Variants in TBCCD1 observed in about 807,000 individuals in gnomAD.
TBCCD1 encodes the protein TBCC domain-containing protein 1.
A neutral mutation model predicts 53.4 loss-of-function variants in TBCCD1; 26 were observed. That is an observed-to-expected ratio of 0.49 (90% CI 0.36 to 0.68). The LOEUF is 0.68. Among genes scored for constraint, TBCCD1 ranks in the 30% least tolerant of loss-of-function variants. The pLI is 0.00. For synonymous variants in TBCCD1, 245 were observed against 241.7 expected (o/e 1.01, Z -0.13); for missense variants, 558 against 669.5 (o/e 0.83, Z 1.84).
intron 2 of TBCCD1, among the ~76,000 whole-genome samples, chr3:186,563,239 C>T (rs574741896): frequency 1.3e-5 from 2 of 152,218 alleles, no homozygotes; most frequent in South Asian, 2.1e-4. Context: ...CACTGAAATA[C>T]TGGGTTGTCT....
intron 2 of TBCCD1, among the ~76,000 whole-genome samples, chr3:186,558,918 T>C (rs1419743976): frequency 6.6e-6 from 1 of 152,200 alleles, no homozygotes; most frequent in Non-Finnish European, 1.5e-5. Flanking sequence ...AATTTTTTTG[T>C]ATTTTTAGTA....
intron 4 of TBCCD1, among the ~76,000 whole-genome samples, chr3:186,555,826 A>G (rs1714524259): frequency 6.6e-6 from 1 of 152,162 alleles, no homozygotes; most frequent in Non-Finnish European, 1.5e-5. Context: ...TGCTGGGATT[A>G]CAGGTGTGAG....
intron 2 of TBCCD1, among the ~76,000 whole-genome samples, chr3:186,559,278 T>C (rs1434159606): frequency 7.9e-5 from 12 of 152,242 alleles, no homozygotes; most frequent in Admixed American, 1.3e-4. Flanking sequence ...GAGGTCTAAC[T>C]TAAGACTCAC....
intron 3 of TBCCD1, 133 bp from the exon 4 acceptor site, chr3:186,556,908 TA>T: frequency 1.7e-6 from 2 of 1,156,216 alleles, no homozygotes; most frequent in Non-Finnish European, 2.4e-6. Flanking sequence ...ATAAACCTTA[TA>T]AAGGTGATCC....
intron 6 of TBCCD1, among the ~76,000 whole-genome samples, chr3:186,552,631 C>T (rs1414677864): frequency 1.3e-5 from 2 of 152,198 alleles, no homozygotes; most frequent in Non-Finnish European, 2.9e-5. Context: ...TCAAATCACA[C>T]ATTACTCTCA....
intron 6 of TBCCD1, 67 bp downstream of exon 6, chr3:186,554,187 C>T (rs957470532): frequency 3.2e-6 from 5 of 1,585,186 alleles, no homozygotes; most frequent in Non-Finnish European, 4.3e-6. Context: ...TAAAAATGTG[C>T]AGACTAATTT....
At chr3:186,553,352 G>T (rs1412336802) in intron 6 of TBCCD1, 1 of 152,150 alleles carries the variant, frequency 6.6e-6, no homozygotes, top group African/African-American at 2.4e-5. Flanking sequence ...TGCTTTAAAA[G>T]AATGTTTTTT....
chr3:186,560,698 T>C (rs1376574754), intron 2 of TBCCD1, among the ~76,000 whole-genome samples: 1 of 152,228 alleles, frequency 6.6e-6, no homozygotes, highest in Non-Finnish European at 1.5e-5. Context: ...CCTTATCTCC[T>C]GAAAGGTGGT....
Position 186,558,473 on chromosome 3 carries a change from G to A in TBCCD1, c.436C>T (p.Pro146Ser). 1 of 1,614,118 alleles carries A rather than the reference G, an allele frequency of 6.2e-7. No individual in the cohort carries two copies. The highest frequency in any genetic ancestry group is 2.2e-5 in the East Asian group (1 of 44,876). Residue 146 changes from proline to serine, a missense_variant, in exon 3 of 8, where the codon CCC becomes TCC. Coordinates refer to ENST00000338733, the MANE Select transcript of TBCCD1 (RefSeq NM_018138.5). ...TSLIGEEWPS[P>S]RNKSQSPDLT... is the part of the protein sequence containing the mutation. The stretch of plus-strand genomic sequence containing the variant: ...TCAGGAGACTGAGATTTGTTTCTGG[G>A]ACTGGGCCACTCTTCGCCAATCAAA...
upstream of TBCCD1, among the ~76,000 whole-genome samples, chr3:186,569,532 T>A (rs1004083888): frequency 1.3e-5 from 2 of 151,894 alleles, no homozygotes; most frequent in Non-Finnish European, 2.9e-5. Context: ...TTGGCCAGCC[T>A]GGTCTCAAGC....
At chr3:186,567,843 A>T (rs1233134675), upstream of TBCCD1, among the ~76,000 whole-genome samples, 1 of 152,196 alleles carries the variant, frequency 6.6e-6, no homozygotes, top group Non-Finnish European at 1.5e-5. Flanking sequence ...CGTCTGAAGC[A>T]AGACTGGCAC....
In TBCCD1 at chr3:186,558,542, A is replaced by G; in HGVS notation, c.367T>C (p.Phe123Leu). 6.2e-7 allele frequency: 1 copy of G among 1,614,194 alleles called. No homozygotes were observed. Among genetic ancestry groups the G allele is most frequent in the South Asian group, 1.1e-5 (1 of 91,078 alleles). ...LSVDTLQFLL[F>L]LYIQQLNKVS... is the part of the protein sequence containing the mutation. Reference sequence around the variant, plus strand: ...TTGTTCAACTGTTGAATGTATAAGAAGAGCAGAAACTGTAGCGTGTCCACT... The same window carrying G: ...TTGTTCAACTGTTGAATGTATAAGAGGAGCAGAAACTGTAGCGTGTCCACT... Residue 123 changes from phenylalanine to leucine, a missense_variant, in exon 3 of 8, where the codon TTC (phenylalanine) becomes CTC (leucine). Coordinates refer to ENST00000338733, the MANE Select transcript of TBCCD1 (RefSeq NM_018138.5).
chr3:186,569,308 T>TTTATTTA (rs1553849535), upstream of TBCCD1, among the ~76,000 whole-genome samples: 343 of 150,556 alleles, frequency 2.3e-3, 4 homozygotes, highest in East Asian at 0.013. Flanking sequence ...GACTTTTATT[T>TTTATTTA]TTTATTTATT....
chr3:186,552,835 G>A (rs1454058536), intron 6 of TBCCD1, among the ~76,000 whole-genome samples: 1 of 152,144 alleles, frequency 6.6e-6, no homozygotes, highest in African/African-American at 2.4e-5. Flanking sequence ...TTGTTCTATA[G>A]ATGTGTTCCT....
chr3:186,551,279 C>T lies in TBCCD1; in HGVS notation c.1545G>A (p.Lys515=), dbSNP rs1186619986. Residue 515 remains lysine (K), a splice_region_variant and synonymous_variant, in exon 7 of 8, where the codon AAG becomes AAA. Transcript: ENST00000338733. The part of the protein sequence containing the change: ...QKTVKEAHLT[K]DQRKQFQVLV... ...GTACCTGGAACTGCTTCCTTTGATCCCTAAAATTGCGATTATGAGTAAAAA... is the reference window on the plus strand; with the variant it reads ...GTACCTGGAACTGCTTCCTTTGATCTCTAAAATTGCGATTATGAGTAAAAA... 1 of 1,610,140 alleles carries T rather than the reference C, an allele frequency of 6.2e-7. No individual in the cohort carries two copies. Among genetic ancestry groups the T allele is most frequent in the Non-Finnish European group, 8.5e-7 (1 of 1,178,820 alleles).
At position 186,554,748 on chromosome 3, in the gene TBCCD1, A is replaced by G; in HGVS notation, c.1050T>C (p.Ser350=). 1 of 1,609,368 alleles carries G rather than the reference A, an allele frequency of 6.2e-7. No homozygotes were observed. Reference sequence around the variant, plus strand: ...TATTCCTGCACTTCTCAATTGTCACAGATCTGAAAAAAGGAAAAAATGAGG... The same window carrying G: ...TATTCCTGCACTTCTCAATTGTCACGGATCTGAAAAAAGGAAAAAATGAGG... ...SFIYLLSPLR[S]VTIEKCRNSI... is the part of the protein sequence containing the mutation. Residue 350 remains serine (S), a synonymous_variant, in exon 6 of 8, where the codon TCT becomes TCC. Transcript: ENST00000338733.
At chr3:186,554,869 C>A in intron 5 of TBCCD1, 29 bp downstream of exon 5, 1 of 1,610,058 alleles carries the variant, frequency 6.2e-7, no homozygotes, top group African/African-American at 1.3e-5. Context: ...AATGTCAGAA[C>A]ATCAGAACAC....
intron 2 of TBCCD1, among the ~76,000 whole-genome samples, chr3:186,563,138 T>C (rs1714733348): frequency 6.6e-6 from 1 of 152,358 alleles, no homozygotes; most frequent in Admixed American, 6.5e-5. Flanking sequence ...TGGTCATCGC[T>C]TGGATGACAG....
chr3:186,564,470 T>C (rs1301935798), intron 1 of TBCCD1, 98 bp from the exon 2 acceptor site: 6 of 717,636 alleles, frequency 8.4e-6, no homozygotes, highest in Non-Finnish European at 1.3e-5. Context: ...GTGTCATATG[T>C]ACTACATCAT....
Sources: allele counts gnomAD v4.1 joint callset (sites outside exome capture counted in the v4.1 genomes callset), GRCh38; gene constraint gnomAD v4.1.1; transcripts MANE v1.5; gene names NCBI Gene and HGNC (gene_info 2026-07-23, HGNC 2026-07-21).